The following TENT2 variants were observed in gnomAD, a reference collection of about 807,000 sequenced individuals.
TENT2 encodes poly(A) RNA polymerase GLD2.
TENT2 carries 44 observed loss-of-function variants against 72.2 expected under a neutral mutation model. That is an observed-to-expected ratio of 0.61 (90% CI 0.48 to 0.78). TENT2 has a LOEUF of 0.78. TENT2 is among the 30% of genes least tolerant of loss of function. The pLI, the probability that TENT2 is intolerant of heterozygous loss-of-function variation, is 0.00. For synonymous variants in TENT2, 212 were observed against 192.5 expected (o/e 1.10, Z -0.84); for missense variants, 541 against 569.6 (o/e 0.95, Z 0.51).
chr5:79,644,688 C>T (rs896308471), intron 7 of TENT2: 1 of 152,884 alleles, frequency 6.5e-6, no homozygotes. Flanking sequence ...GTATTTTTCA[C>T]TCATAGAGAT....
rs988241223 is a variant in TENT2, at chr5:79,652,244, T to C, written c.1027+3054T>C. 3.3e-5 allele frequency among the ~76,000 whole-genome samples: 5 copies of C among 151,990 alleles called. No homozygotes were observed. In the South Asian group the frequency reaches 1.0e-3, roughly 31 times the overall value. On this transcript the variant is annotated intron_variant, in intron 10 of 14. Transcript: ENST00000453514. ...TAAATTTTCTAGAATAGGGGAATGG[T>C]TAAATTAATTACGATATACCCTAAT...
rs1367612396 is a variant in TENT2, at chr5:79,656,958, C to A, written c.1028C>A (p.Thr343Asn). The change falls in exon 11 of 15, where the codon ACC becomes AAC. Residue 343 changes from threonine to asparagine, a missense_variant and splice_region_variant. Thr to Asn is a moderately conservative substitution (Grantham distance 65, BLOSUM62 0). Coordinates refer to ENST00000453514, the MANE Select transcript of TENT2 (RefSeq NM_001114394.3). The part of the protein sequence containing the change: ...LVLMVLHYLQ[T>N]LPEPILPSLQ... The stretch of plus-strand genomic sequence containing the variant: ...AGCTTTAAACTTTTTCTTTTTATAG[C>A]CCTACCTGAACCCATCCTTCCATCC... 4 of 1,602,820 alleles carry A rather than the reference C, an allele frequency of 2.5e-6. No homozygotes were observed. The East Asian group carries it at 9.0e-5, about 36-fold the overall frequency.
At chr5:79,657,900 GATGATTAATTTTCAAA>G (rs1799070220) in intron 11 of TENT2, among the ~76,000 whole-genome samples, 1 of 152,142 alleles carries the variant, frequency 6.6e-6, no homozygotes, top group East Asian at 1.9e-4. Context: ...CACCAGCTTA[GATGATTAATTTTCAAA>G]AAACTTATTT....
chr5:79,631,101 T>C (rs1775105777), intron 4 of TENT2, among the ~76,000 whole-genome samples: 1 of 152,192 alleles, frequency 6.6e-6, no homozygotes, highest in Non-Finnish European at 1.5e-5. Flanking sequence ...GCCAGCTTAC[T>C]TTGGTGTGGA....
At chr5:79,669,412 T>C (rs1196167246) in intron 12 of TENT2, among the ~76,000 whole-genome samples, 1 of 152,252 alleles carries the variant, frequency 6.6e-6, no homozygotes, top group Non-Finnish European at 1.5e-5. Flanking sequence ...AATGAAGATC[T>C]ATTTAATACT....
At chr5:79,640,638 T>G (rs1783729126) in intron 4 of TENT2, among the ~76,000 whole-genome samples, 1 of 152,232 alleles carries the variant, frequency 6.6e-6, no homozygotes, top group African/African-American at 2.4e-5. Context: ...TTCTGTGACT[T>G]GTATATTTTA....
At chr5:79,634,282 C>A (rs946129632) in intron 4 of TENT2, among the ~76,000 whole-genome samples, 1 of 151,796 alleles carries the variant, frequency 6.6e-6, no homozygotes, top group Admixed American at 6.6e-5. Context: ...GGACAAGTTA[C>A]AATATTTTTT....
chr5:79,664,469 C>T (rs1265163612), intron 11 of TENT2, among the ~76,000 whole-genome samples: 3 of 151,978 alleles, frequency 2.0e-5, no homozygotes, highest in Non-Finnish European at 4.4e-5. Flanking sequence ...GAGGCACGCG[C>T]CTGTAGTCCC....
chr5:79,618,457 C>T (rs1762190996), intron 1 of TENT2, among the ~76,000 whole-genome samples: 2 of 151,942 alleles, frequency 1.3e-5, no homozygotes, highest in Non-Finnish European at 2.9e-5. Context: ...TAGTCTTGAA[C>T]TCCTGAGCTC....
chr5:79,661,164 G>T (rs761041604), intron 11 of TENT2, among the ~76,000 whole-genome samples: 5 of 151,990 alleles, frequency 3.3e-5, no homozygotes, highest in Non-Finnish European at 7.4e-5. Flanking sequence ...TATTATTGAA[G>T]AAAGAAAAAT....
intron 4 of TENT2, among the ~76,000 whole-genome samples, chr5:79,626,148 C>CT (rs1367956039): frequency 1.3e-5 from 2 of 150,740 alleles, no homozygotes; most frequent in Non-Finnish European, 3.0e-5. Context: ...TTTTAAAAAA[C>CT]TTTAGAGATG....
Position 79,668,766 on chromosome 5 carries a change from C to CCAAATTGCCAAATAGAGTAAATTTCTT in TENT2, c.1072-124_1072-98dup, listed in dbSNP as rs565212543. The CCAAATTGCCAAATAGAGTAAATTTCTT allele has an allele frequency of 3.7e-4, 434 of 1,163,764 alleles. 3 individuals are homozygous for CCAAATTGCCAAATAGAGTAAATTTCTT. In the East Asian group the frequency reaches 0.01, roughly 27 times the overall value. The allele number at this position is 1,163,764 out of a possible 1,614,324, so 72.1% of individuals were successfully genotyped here. A position where few individuals can be genotyped will look rare whatever the true frequency, so the allele number is the denominator to read the frequency against. On this transcript the variant is annotated intron_variant, in intron 11 of 14. Transcript: ENST00000453514. ...TTAGTGGAAGAAAAATTTCAGGTTT[C>CCAAATTGCCAAATAGAGTAAATTTCTT]CAAATTGCCAAATAGAGTAAATTTC...
At chr5:79,644,433 A>G (rs1277729574) in intron 7 of TENT2, among the ~76,000 whole-genome samples, 1 of 152,062 alleles carries the variant, frequency 6.6e-6, no homozygotes, top group African/African-American at 2.4e-5. Context: ...ACACTTCTGT[A>G]TTTTCCTAAT....
chr5:79,629,877 T>C (rs1773779068), intron 4 of TENT2, among the ~76,000 whole-genome samples: 1 of 151,546 alleles, frequency 6.6e-6, no homozygotes, highest in Non-Finnish European at 1.5e-5. Flanking sequence ...CTCACGCCTG[T>C]AATCCCAGCG....
chr5:79,649,582 G>A (rs1792044991), intron 10 of TENT2, among the ~76,000 whole-genome samples: 1 of 152,092 alleles, frequency 6.6e-6, no homozygotes, highest in South Asian at 2.1e-4. Context: ...GTTGGTTAAA[G>A]AAGCTTTTAA....
chr5:79,678,046 C>T (rs994711680), intron 12 of TENT2, among the ~76,000 whole-genome samples: 2 of 152,204 alleles, frequency 1.3e-5, no homozygotes, highest in Non-Finnish European at 2.9e-5. Flanking sequence ...AACTGCAATA[C>T]ATGAGGGATC....
intron 7 of TENT2, among the ~76,000 whole-genome samples, chr5:79,644,449 A>T (rs1032844307): frequency 1.3e-5 from 2 of 152,206 alleles, no homozygotes; most frequent in African/African-American, 4.8e-5. Flanking sequence ...CTAATTTTCT[A>T]TGATAAGTAT....
chr5:79,669,977 C>T (rs571569473), intron 12 of TENT2, among the ~76,000 whole-genome samples: 7 of 151,776 alleles, frequency 4.6e-5, no homozygotes, highest in African/African-American at 1.2e-4. Flanking sequence ...GCCTGTAATC[C>T]CAACACTTTG....
chr5:79,645,271 G>A (rs1787908023), intron 8 of TENT2, 79 bp downstream of exon 8: 9 of 1,091,630 alleles, frequency 8.2e-6, no homozygotes, highest in African/African-American at 1.6e-5. Flanking sequence ...TAATTAAGAA[G>A]TGTATGTTGT....
Sources: allele counts gnomAD v4.1 joint callset (sites outside exome capture counted in the v4.1 genomes callset), GRCh38; gene constraint gnomAD v4.1.1; transcripts MANE v1.5; gene names NCBI Gene and HGNC (gene_info 2026-07-23, HGNC 2026-07-21).